Variants in GLIPR1L1 observed in about 807,000 individuals in gnomAD.
The protein encoded by GLIPR1L1 is GLIPR1-like protein 1.
A neutral mutation model predicts 29.9 loss-of-function variants in GLIPR1L1; 26 were observed. The ratio of observed to expected loss-of-function variants is 0.87; its 90% confidence interval spans 0.64 to 1.21. The LOEUF (loss-of-function observed/expected upper bound fraction) is 1.21, where lower values mean the gene tolerates loss of function less well. GLIPR1L1 is among the 50% of genes most tolerant of loss of function. The pLI, the probability that GLIPR1L1 is intolerant of heterozygous loss-of-function variation, is 0.00. For missense variants in GLIPR1L1, 305 were observed against 290.3 expected (o/e 1.05, Z -0.37); for synonymous variants, 77 against 97.5 (o/e 0.79, Z 1.24).
intron 3 of GLIPR1L1, among the ~76,000 whole-genome samples, chr12:75,359,355 G>GTTTTTTT (rs1463566931): frequency 2.2e-5 from 1 of 46,432 alleles, no homozygotes; most frequent in Non-Finnish European, 4.2e-5. Context: ...CAGCATTGTT[G>GTTTTTTT]TCTTTTTTTT....
chr12:75,361,795 C>T (rs570004303), intron 3 of GLIPR1L1, among the ~76,000 whole-genome samples: 32 of 152,228 alleles, frequency 2.1e-4, no homozygotes, highest in African/African-American at 7.2e-4. Context: ...ATCCAATCAC[C>T]TCCCTCCCTA....
chr12:75,368,732 T>C (rs1170570831), intron 4 of GLIPR1L1, among the ~76,000 whole-genome samples: 1 of 152,062 alleles, frequency 6.6e-6, no homozygotes, highest in Non-Finnish European at 1.5e-5. Context: ...GACATAATTT[T>C]GCCTTTAGTA....
At chr12:75,343,574 GA>G in intron 1 of GLIPR1L1, 118 bp from the exon 2 acceptor site, 1 of 791,894 alleles carries the variant, frequency 1.3e-6, no homozygotes, top group Non-Finnish European at 1.9e-6. Flanking sequence ...AAATACCAAA[GA>G]AAAACTACAT....
intron 3 of GLIPR1L1, among the ~76,000 whole-genome samples, chr12:75,355,959 C>T (rs1478302022): frequency 6.6e-6 from 1 of 152,078 alleles, no homozygotes; most frequent in African/African-American, 2.4e-5. Context: ...AGGGTAACAA[C>T]ACACACTGGG....
At chr12:75,354,082 T>C (rs973104505) in intron 3 of GLIPR1L1, among the ~76,000 whole-genome samples, 1 of 139,850 alleles carries the variant, frequency 7.2e-6, no homozygotes, top group Non-Finnish European at 1.5e-5. Flanking sequence ...AAAACCAGTA[T>C]AAGACAAAAA....
chr12:75,345,280 A>G (rs752895643), intron 2 of GLIPR1L1, among the ~76,000 whole-genome samples: 3 of 152,010 alleles, frequency 2.0e-5, no homozygotes, highest in African/African-American at 7.2e-5. Context: ...TTTTTCTGCA[A>G]ATCTCAGGGG....
At chr12:75,366,604 G>A (rs1374564126) in intron 4 of GLIPR1L1, among the ~76,000 whole-genome samples, 3 of 151,772 alleles carry the variant, frequency 2.0e-5, no homozygotes, top group African/African-American at 7.3e-5. Flanking sequence ...ACCTCAAAGT[G>A]GATCATTCTT....
intron 3 of GLIPR1L1, among the ~76,000 whole-genome samples, chr12:75,351,330 A>G (rs1222524652): frequency 1.3e-5 from 2 of 152,202 alleles, no homozygotes; most frequent in African/African-American, 4.8e-5. Flanking sequence ...CAGGAAATCC[A>G]GAGAACCCCC....
Position 75,347,629 on chromosome 12 carries a change from G to T in GLIPR1L1, c.428G>T (p.Trp143Leu), listed in dbSNP as rs961216598. Residue 143 changes from tryptophan to leucine, a missense_variant, in exon 3 of 6, where the codon TGG becomes TTG. Transcript: ENST00000378695. Reference protein sequence around the residue: ...RVCGHYTQLVWANSFYVGCAV... With the variant: ...RVCGHYTQLVLANSFYVGCAV... ...CATTCCTTTTCTTTATAGTTAGTTT[G>T]GGCCAATTCATTTTATGTCGGTTGT... The T allele has an allele frequency of 6.2e-7, 1 of 1,603,876 alleles. No individual in the cohort carries two copies. The highest frequency in any genetic ancestry group is 8.5e-7 in the Non-Finnish European group (1 of 1,172,616).
At chr12:75,366,847 T>A (rs1253491814) in intron 4 of GLIPR1L1, 1 of 700,510 alleles carries the variant, frequency 1.4e-6, no homozygotes, top group Non-Finnish European at 2.6e-6. Flanking sequence ...TCTATATGCA[T>A]TTCTTGAATG....
At chr12:75,343,670 T>C (rs2042261594) in intron 1 of GLIPR1L1, 23 bp from the exon 2 acceptor site, 1 of 1,552,474 alleles carries the variant, frequency 6.4e-7, no homozygotes, top group Non-Finnish European at 8.7e-7. Flanking sequence ...CACAATTCAA[T>C]TTAAATTATT....
chr12:75,351,023 AAACAC>A (rs2139437277), intron 3 of GLIPR1L1, among the ~76,000 whole-genome samples: 1 of 152,356 alleles, frequency 6.6e-6, no homozygotes, highest in South Asian at 2.1e-4. Flanking sequence ...TGGAGCTGTA[AAACAC>A]AACACAAGAA....
intron 3 of GLIPR1L1, among the ~76,000 whole-genome samples, chr12:75,358,876 T>C (rs1400193112): frequency 6.9e-6 from 1 of 144,150 alleles, no homozygotes; most frequent in South Asian, 2.1e-4. Flanking sequence ...ATATATAATA[T>C]ATAATTATAT....
intron 1 of GLIPR1L1, among the ~76,000 whole-genome samples, chr12:75,343,441 T>C (rs2042247455): frequency 6.6e-6 from 1 of 152,084 alleles, no homozygotes; most frequent in Non-Finnish European, 1.5e-5. Context: ...ATTTGTTTAG[T>C]GACTCTAATG....
At chr12:75,357,940 T>C (rs2043258978) in intron 3 of GLIPR1L1, among the ~76,000 whole-genome samples, 1 of 142,656 alleles carries the variant, frequency 7.0e-6, no homozygotes, top group South Asian at 2.2e-4. Flanking sequence ...CCTAAGAAAC[T>C]AGGGGACAAA....
chr12:75,368,410 T>C (rs1421601831), intron 4 of GLIPR1L1, among the ~76,000 whole-genome samples: 1 of 151,890 alleles, frequency 6.6e-6, no homozygotes, highest in Non-Finnish European at 1.5e-5. Context: ...TTTCTTTTAG[T>C]GTCTTAATGT....
intron 4 of GLIPR1L1, among the ~76,000 whole-genome samples, chr12:75,368,473 C>A (rs759858696): frequency 6.6e-6 from 1 of 151,492 alleles, no homozygotes; most frequent in Non-Finnish European, 1.5e-5. Flanking sequence ...TGTAAAATTT[C>A]GAAAGGTACC....
intron 4 of GLIPR1L1, among the ~76,000 whole-genome samples, chr12:75,366,318 A>G (rs1450724437): frequency 2.0e-5 from 3 of 152,176 alleles, no homozygotes; most frequent in Non-Finnish European, 4.4e-5. Context: ...AGAAGATTGG[A>G]TCTAAACAGT....
chr12:75,362,643 T>C (rs2043679528), intron 3 of GLIPR1L1, among the ~76,000 whole-genome samples: 1 of 152,188 alleles, frequency 6.6e-6, no homozygotes, highest in African/African-American at 2.4e-5. Context: ...GAAAAATTTA[T>C]GACTTATACT....
Sources: allele counts gnomAD v4.1 joint callset (sites outside exome capture counted in the v4.1 genomes callset), GRCh38; gene constraint gnomAD v4.1.1; transcripts MANE v1.5; gene names NCBI Gene and HGNC (gene_info 2026-07-23, HGNC 2026-07-21).